Variants in SFTPD observed in about 807,000 individuals in gnomAD.
SFTPD encodes the protein surfactant protein D.
In SFTPD, 18 loss-of-function variants were observed where a neutral mutation model predicts 34.6. The ratio of observed to expected loss-of-function variants is 0.52; its 90% CI spans 0.36 to 0.77. The LOEUF (loss-of-function observed/expected upper bound fraction) is 0.77, where lower values mean the gene tolerates loss of function less well. Among genes scored for constraint, SFTPD ranks in the 30% least tolerant of loss-of-function variants. SFTPD has a pLI of 0.00. For synonymous variants in SFTPD, 155 were observed against 180.9 expected (o/e 0.86, Z 1.15); for missense variants, 433 against 468.9 (o/e 0.92, Z 0.71).
Position 79,958,024 on chromosome 10 carries a change from C to T in SFTPD, c.37-11362G>A, listed in dbSNP as rs546308286. Among the ~76,000 whole-genome samples the T allele has an allele frequency of 3.1e-3, 469 of 152,276 alleles. 1 individual carries two copies. The highest frequency in any genetic ancestry group is 5.7e-3 in the Non-Finnish European group (387 of 68,024). On this transcript the variant is annotated intron_variant, in intron 1 of 5. Coordinates refer to the SFTPD transcript ENST00000444384. The stretch of plus-strand genomic sequence containing the variant: ...CATTCTTAAAGAAAAGAATTTTCAA[C>T]CCAGAATTTCATATCCAGTCAAACT...
intron 1 of SFTPD, among the ~76,000 whole-genome samples, chr10:79,974,305 C>T (rs1842852013): frequency 6.6e-6 from 1 of 152,032 alleles, no homozygotes; most frequent in Non-Finnish European, 1.5e-5. Flanking sequence ...GTAGCTGGGA[C>T]TACAGGCACC....
chr10:79,969,889 G>C, intron 1 of SFTPD: 1 of 152,158 alleles, frequency 6.6e-6, no homozygotes, highest in East Asian at 1.9e-4. Context: ...TTAATTTGAA[G>C]TAATCATATT....
At chr10:79,975,541 G>A (rs981872080) in intron 1 of SFTPD, among the ~76,000 whole-genome samples, 7 of 151,974 alleles carry the variant, frequency 4.6e-5, no homozygotes, top group African/African-American at 1.2e-4. Context: ...GCGACCCTTC[G>A]ACCTGGATTT....
At chr10:79,973,649 C>T (rs533738010) in intron 1 of SFTPD, among the ~76,000 whole-genome samples, 9 of 144,254 alleles carry the variant, frequency 6.2e-5, no homozygotes, top group South Asian at 2.2e-4. Context: ...TCTTAGAAAA[C>T]GAAATGTTAA....
In SFTPD at chr10:79,982,307, A is replaced by G. The variant is rs1158035459; in HGVS notation, c.36+268T>C. ...GGGGCGGTTCCCGGCTCAGGTGCCC[A>G]GTGGGCACCAGCCCAGCGCCTCGGG... On this transcript the variant is annotated intron_variant, in intron 1 of 5. Transcript: ENST00000444384. 1.2e-5 allele frequency: 12 copies of G among 967,154 alleles called. No homozygotes were observed. In the East Asian group the frequency reaches 4.5e-4, roughly 36 times the overall value. The allele number at this position is 967,154 out of a possible 1,614,324, so 59.9% of individuals were successfully genotyped here. A position where few individuals can be genotyped will look rare whatever the true frequency, so the allele number is the denominator to read the frequency against.
intron 1 of SFTPD, among the ~76,000 whole-genome samples, chr10:79,948,003 G>C (rs939462587): frequency 1.3e-5 from 2 of 152,246 alleles, no homozygotes; most frequent in Non-Finnish European, 2.9e-5. Flanking sequence ...GGTGGCAAGT[G>C]GGGGGCTTCC....
chr10:79,947,742 C>T (rs1356684481), intron 1 of SFTPD, among the ~76,000 whole-genome samples: 2 of 152,172 alleles, frequency 1.3e-5, no homozygotes, highest in Non-Finnish European at 2.9e-5. Context: ...TAGGCTCAGT[C>T]AGGCAGAAAG....
In SFTPD at chr10:79,942,126, G is replaced by C. The variant is rs572363232; in HGVS notation, c.434-56C>G. The C allele has an allele frequency of 2.0e-5, 26 of 1,319,516 alleles. No individual in the cohort carries two copies. The South Asian group carries it at 3.2e-4, about 16-fold the overall frequency. 81.7% of individuals were successfully genotyped at this position (1,319,516 alleles called of 1,614,324 possible). A position where few individuals can be genotyped will look rare whatever the true frequency, so the allele number is the denominator to read the frequency against. The stretch of plus-strand genomic sequence containing the variant: ...GCTAAGAGCGCGTTCAGCAGGTGTG[G>C]TTTTGTTAGCAATGGAGCTTTTTGC... On this transcript the variant is annotated intron_variant, in intron 4 of 7. Transcript: ENST00000372292.
upstream of SFTPD, among the ~76,000 whole-genome samples, chr10:79,954,046 A>G (rs1181872959): frequency 2.0e-5 from 3 of 149,132 alleles, no homozygotes; most frequent in Non-Finnish European, 4.5e-5. Flanking sequence ...TTATACTTCT[A>G]ATTTTGTTTA....
At chr10:79,962,045 C>A (rs1842776273) in intron 1 of SFTPD, among the ~76,000 whole-genome samples, 1 of 140,126 alleles carries the variant, frequency 7.1e-6, no homozygotes, top group Non-Finnish European at 1.5e-5. Context: ...ATCGCAAGGA[C>A]AAAAAAACCA....
intron 1 of SFTPD, among the ~76,000 whole-genome samples, chr10:79,958,142 T>C (rs1842750900): frequency 6.6e-6 from 1 of 152,108 alleles, no homozygotes; most frequent in African/African-American, 2.4e-5. Context: ...AAAGAGCTCC[T>C]GAAGGAAGCA....
chr10:79,967,910 A>C (rs1431463733), intron 1 of SFTPD, among the ~76,000 whole-genome samples: 1 of 151,066 alleles, frequency 6.6e-6, no homozygotes, highest in East Asian at 2.0e-4. Flanking sequence ...TTTGACTGTA[A>C]TTTTCCACTA....
At chr10:79,976,070 G>A (rs1353574319) in intron 1 of SFTPD, among the ~76,000 whole-genome samples, 1 of 150,890 alleles carries the variant, frequency 6.6e-6, no homozygotes, top group Non-Finnish European at 1.5e-5. Context: ...AGATTTTGGG[G>A]GGCCTGTTCC....
chr10:79,980,233 G>C (rs11201012), intron 1 of SFTPD, among the ~76,000 whole-genome samples: 8,595 of 151,762 alleles, frequency 0.057, 550 homozygotes, highest in East Asian at 0.39. Flanking sequence ...TCCTGCTTGA[G>C]GAAAGGAAAG....
chr10:79,947,711 A>G (rs527277608), intron 1 of SFTPD, among the ~76,000 whole-genome samples: 15 of 152,276 alleles, frequency 9.9e-5, no homozygotes, highest in Non-Finnish European at 1.9e-4. Context: ...GAAGTCTTAT[A>G]TGGAAAGAGG....
At chr10:79,962,418 T>G (rs564267905) in intron 1 of SFTPD, among the ~76,000 whole-genome samples, 2 of 152,304 alleles carry the variant, frequency 1.3e-5, no homozygotes, top group South Asian at 2.1e-4. Flanking sequence ...TATGTAAATA[T>G]ACACACAAGT....
chr10:79,967,653 T>TCTACAA (rs1842810294), intron 1 of SFTPD, among the ~76,000 whole-genome samples: 1 of 132,150 alleles, frequency 7.6e-6, no homozygotes, highest in Non-Finnish European at 1.6e-5. Context: ...ATGCCGCATA[T>TCTACAA]CTACAACTAT....
At position 79,937,802 on chromosome 10, in the gene SFTPD, C is replaced by G; in HGVS notation, c.*50G>C. 2 of 1,506,304 alleles carry G rather than the reference C, an allele frequency of 1.3e-6. No individual in the cohort carries two copies. Among genetic ancestry groups the G allele is most frequent in the Non-Finnish European group, 1.8e-6 (2 of 1,125,192 alleles). 93.3% of individuals were successfully genotyped at this position (1,506,304 alleles called of 1,614,324 possible). ...GGCAGCATGAGGGTCTAAGCCTTGA[C>G]TTCTGGCCAAACTCCTGGGCCAAGC... is the stretch of plus-strand genomic sequence containing the variant. On this transcript the variant is annotated 3_prime_UTR_variant, in exon 8 of 8. Transcript: ENST00000372292.
At chr10:79,949,639 G>A (rs1181218827), upstream of SFTPD, among the ~76,000 whole-genome samples, 1 of 152,192 alleles carries the variant, frequency 6.6e-6, no homozygotes, top group Non-Finnish European at 1.5e-5. Flanking sequence ...CTGCCACCTG[G>A]AAAGAGTTGC....
Sources: gnomAD v4.1 joint callset for allele counts (sites outside exome capture counted in the v4.1 genomes callset) on GRCh38, gnomAD v4.1.1 for gene constraint, MANE v1.5 for transcripts, NCBI Gene and HGNC (gene_info 2026-07-23, HGNC 2026-07-21) for gene names.